OPCML: variants seen among roughly 807,000 people sequenced by gnomAD.
OPCML encodes the protein opioid-binding protein/cell adhesion molecule.
In OPCML, 13 loss-of-function variants were observed where a neutral mutation model predicts 37.8. The ratio of observed to expected loss-of-function variants is 0.34; its 90% CI spans 0.22 to 0.55. The LOEUF is 0.55. Ranked by LOEUF, OPCML falls within the 20% of genes least tolerant of loss-of-function variation. The probability of loss-of-function intolerance (pLI) is 0.91; values close to 1 mark genes in which losing one functional copy is unlikely to be tolerated. For missense variants in OPCML, 341 were observed against 435.6 expected, an observed-to-expected ratio of 0.78 and a Z score of 1.93; for synonymous variants, 176 against 168.8, an observed-to-expected ratio of 1.04 and a Z score of -0.33.
chr11:132,574,156 G>T (rs758213682), intron 3 of OPCML, among the ~76,000 whole-genome samples: 1 of 144,560 alleles, frequency 6.9e-6, no homozygotes, highest in Admixed American at 6.7e-5. Context: ...GTTAATTTTG[G>T]TTATCTTTTT....
intron 1 of OPCML, among the ~76,000 whole-genome samples, chr11:133,054,265 G>T (rs576216730): frequency 6.6e-6 from 1 of 152,254 alleles, no homozygotes; most frequent in South Asian, 2.1e-4. Flanking sequence ...AACCTCTGGT[G>T]GCTTTCTATT....
At chr11:132,496,274 C>T (rs1377952009) in intron 4 of OPCML, among the ~76,000 whole-genome samples, 1 of 152,098 alleles carries the variant, frequency 6.6e-6, no homozygotes, top group Non-Finnish European at 1.5e-5. Context: ...TGCTATATGT[C>T]TGAAGGGGGA....
At chr11:133,040,474 T>G (rs775895602) in intron 1 of OPCML, among the ~76,000 whole-genome samples, 1 of 152,226 alleles carries the variant, frequency 6.6e-6, no homozygotes, top group Non-Finnish European at 1.5e-5. Flanking sequence ...CTCCAGTCCT[T>G]CCAAATGGAA....
intron 1 of OPCML, among the ~76,000 whole-genome samples, chr11:133,294,006 T>C (rs1942557924): frequency 6.6e-6 from 1 of 151,834 alleles, no homozygotes. Context: ...CTTCTCTTAG[T>C]AGCACAGCTG....
chr11:133,395,148 G>A (rs1945259101), intron 1 of OPCML, among the ~76,000 whole-genome samples: 1 of 152,132 alleles, frequency 6.6e-6, no homozygotes, highest in South Asian at 2.1e-4. Context: ...CTTTTCATAT[G>A]CCTGTTTGCC....
chr11:132,631,663 T>G (rs908588002), intron 3 of OPCML, among the ~76,000 whole-genome samples: 1 of 151,472 alleles, frequency 6.6e-6, no homozygotes, highest in Non-Finnish European at 1.5e-5. Flanking sequence ...CATATATTTT[T>G]AAACCACGAC....
Position 132,709,817 on chromosome 11 carries a change from G to A in OPCML, c.147-52498C>T, listed in dbSNP as rs564085023. Among the ~76,000 whole-genome samples the A allele has an allele frequency of 9.9e-5, 15 of 152,262 alleles. No homozygotes were observed. The South Asian group carries it at 1.0e-3, about 11-fold the overall frequency. On this transcript the variant is annotated intron_variant, in intron 2 of 7. Transcript: ENST00000524381. ...TTAAAACCAACACAATGATTGATAC[G>A]CGTCAGAGGGGATTCGCTAAGACCG...
chr11:132,631,575 T>C (rs1181048826), intron 3 of OPCML, among the ~76,000 whole-genome samples: 3 of 150,866 alleles, frequency 2.0e-5, no homozygotes, highest in Non-Finnish European at 4.4e-5. Flanking sequence ...TTCGCCTGCC[T>C]CAGCCTCCCG....
intron 1 of OPCML, among the ~76,000 whole-genome samples, chr11:133,019,866 A>G (rs7114326): frequency 4.5e-4 from 68 of 152,316 alleles, no homozygotes; most frequent in African/African-American, 1.6e-3. Flanking sequence ...CCTCCTATGA[A>G]GCCCAGGCCC....
intron 3 of OPCML, among the ~76,000 whole-genome samples, chr11:132,583,042 G>A (rs569006018): frequency 6.6e-6 from 1 of 151,530 alleles, no homozygotes; most frequent in Non-Finnish European, 1.5e-5. Context: ...CACTTTTGGG[G>A]TTTTTTGGTT....
chr11:133,306,913 A>G (rs959936295), intron 1 of OPCML, among the ~76,000 whole-genome samples: 1 of 152,218 alleles, frequency 6.6e-6, no homozygotes, highest in African/African-American at 2.4e-5. Context: ...TAGGTATCAT[A>G]CAATTGAAAA....
chr11:133,178,970 T>C (rs1191637957), intron 1 of OPCML, among the ~76,000 whole-genome samples: 1 of 152,208 alleles, frequency 6.6e-6, no homozygotes, highest in Non-Finnish European at 1.5e-5. Context: ...AACTCTGATT[T>C]AATTTCTTTT....
At chr11:132,988,609 C>T (rs1946721441) in intron 1 of OPCML, among the ~76,000 whole-genome samples, 1 of 152,132 alleles carries the variant, frequency 6.6e-6, no homozygotes, top group African/African-American at 2.4e-5. Flanking sequence ...CCTGTTTGTT[C>T]CCCTTGGAAT....
At chr11:133,497,896 C>T (rs1005152729) in intron 1 of OPCML, among the ~76,000 whole-genome samples, 1 of 152,208 alleles carries the variant, frequency 6.6e-6, no homozygotes, top group African/African-American at 2.4e-5. Flanking sequence ...ACCAGCATCT[C>T]CCCACTGCAA....
At chr11:132,672,541 C>A (rs1234783384) in intron 2 of OPCML, among the ~76,000 whole-genome samples, 4 of 152,110 alleles carry the variant, frequency 2.6e-5, no homozygotes, top group Non-Finnish European at 2.9e-5. Flanking sequence ...GTGTGTGGCT[C>A]CCTGTAAAGC....
intron 1 of OPCML, among the ~76,000 whole-genome samples, chr11:133,386,157 C>A (rs1300928743): frequency 6.6e-6 from 1 of 152,208 alleles, no homozygotes; most frequent in Non-Finnish European, 1.5e-5. Flanking sequence ...CCCAGCTTAC[C>A]ATTGTTACAA....
intron 1 of OPCML, among the ~76,000 whole-genome samples, chr11:133,291,988 T>C (rs1015471133): frequency 6.6e-5 from 10 of 152,210 alleles, no homozygotes; most frequent in African/African-American, 2.2e-4. Context: ...CCTTACAGTT[T>C]TATAAACTAT....
At chr11:133,050,767 T>A (rs1207242708) in intron 1 of OPCML, among the ~76,000 whole-genome samples, 2 of 151,550 alleles carry the variant, frequency 1.3e-5, no homozygotes, top group African/African-American at 4.9e-5. Context: ...TCAAGATAGA[T>A]GGCCAGCTCA....
At chr11:132,469,403 G>T (rs946602603) in intron 4 of OPCML, among the ~76,000 whole-genome samples, 5 of 151,944 alleles carry the variant, frequency 3.3e-5, no homozygotes, top group Non-Finnish European at 7.4e-5. Context: ...GTGTGTTTGT[G>T]TGTGGGGGTG....
Sources: gnomAD v4.1 joint callset for allele counts (sites outside exome capture counted in the v4.1 genomes callset) on GRCh38, gnomAD v4.1.1 for gene constraint, MANE v1.5 for transcripts, NCBI Gene and HGNC (gene_info 2026-07-23, HGNC 2026-07-21) for gene names.